The following GSE1 variants were observed in gnomAD, a reference collection of about 807,000 sequenced individuals.
GSE1 encodes genetic suppressor element 1.
In GSE1, 32 loss-of-function variants were observed where a neutral mutation model predicts 112.6. The observed-to-expected ratio is 0.28, with a 90% confidence interval of 0.21 to 0.38. The LOEUF (loss-of-function observed/expected upper bound fraction) is 0.38. GSE1 is among the 10% of genes least tolerant of loss of function. The pLI, the probability that GSE1 is intolerant of heterozygous loss-of-function variation, is 1.00. For missense variants in GSE1, 2,348 were observed against 1,699.2 expected (o/e 1.38, Z -6.71); for synonymous variants, 1,115 against 735.6 (o/e 1.52, Z -8.35).
At chr16:85,241,032 A>G (rs531950511) in intron 1 of GSE1, among the ~76,000 whole-genome samples, 16 of 152,198 alleles carry the variant, frequency 1.1e-4, no homozygotes, top group African/African-American at 3.1e-4. Context: ...GGCCGTTTCC[A>G]TCTTCCATGG....
intron 15 of GSE1, among the ~76,000 whole-genome samples, chr16:85,671,668 A>ATCGATCCTG (rs1349371460): frequency 6.6e-6 from 1 of 152,084 alleles, no homozygotes; most frequent in African/African-American, 2.4e-5. Context: ...CTTATAGAAT[A>ATCGATCCTG]TCGATCCTGG....
At chr16:85,283,302 A>C (rs1361882553) in intron 1 of GSE1, 1 of 152,866 alleles carries the variant, frequency 6.5e-6, no homozygotes, top group Non-Finnish European at 1.5e-5. Context: ...GCAGAGACTG[A>C]AAACGCCCCA....
rs1455571738 is a variant in GSE1 at position 85,674,461 on chromosome 16, C to A, written c.*1922C>A. ...AAGACACTGGGAGGTCAGCATGTTC[C>A]ACAGGTGTTCAGAGGGAGTCTGCTA... On this transcript the variant is annotated 3_prime_UTR_variant, in exon 16 of 16. Transcript: ENST00000253458. The A allele has an allele frequency of 6.6e-6, 1 of 152,176 alleles. No individual in the cohort carries two copies. The highest frequency in any genetic ancestry group is 1.5e-5 in the Non-Finnish European group (1 of 68,052). 9.4% of individuals were successfully genotyped at this position (152,176 alleles called of 1,614,324 possible).
intron 11 of GSE1, among the ~76,000 whole-genome samples, chr16:85,664,263 C>G (rs920978416): frequency 9.8e-5 from 15 of 152,352 alleles, no homozygotes; most frequent in Admixed American, 9.8e-4. Context: ...CCCTTACGCA[C>G]GCTTTCAAGT....
chr16:85,400,567 G>A (rs1291645135), intron 2 of GSE1, among the ~76,000 whole-genome samples: 6 of 151,122 alleles, frequency 4.0e-5, no homozygotes, highest in Non-Finnish European at 7.4e-5. Context: ...GTGTGGTTGT[G>A]TACCTGTGTG....
chr16:85,197,998 A>G (rs1182088495), intron 1 of GSE1, among the ~76,000 whole-genome samples: 1 of 152,152 alleles, frequency 6.6e-6, no homozygotes, highest in Admixed American at 6.5e-5. Context: ...CCAAGGAGTC[A>G]ACAACTCCTG....
At chr16:85,655,553 C>G (rs1334357395) in intron 5 of GSE1, among the ~76,000 whole-genome samples, 173 bp from the exon 6 acceptor site, 2 of 152,210 alleles carry the variant, frequency 1.3e-5, no homozygotes, top group Non-Finnish European at 2.9e-5. Context: ...CTAGCAGCCT[C>G]CGGCATCAAG....
At chr16:85,237,850 A>AG (rs1324449050) in intron 1 of GSE1, among the ~76,000 whole-genome samples, 1 of 151,192 alleles carries the variant, frequency 6.6e-6, no homozygotes, top group Non-Finnish European at 1.5e-5. Flanking sequence ...GCAAAAAAAA[A>AG]GAAAAAAAAA....
chr16:85,285,977 A>G (rs966995227), intron 1 of GSE1: 5 of 152,460 alleles, frequency 3.3e-5, no homozygotes, highest in African/African-American at 1.2e-4. Flanking sequence ...AGTGAGGCCC[A>G]CTATCTTGGG....
At position 85,665,983 on chromosome 16, in the gene GSE1, C is replaced by G. The variant is rs776399425; in HGVS notation, c.2766C>G (p.Ala922=). ...TCACTTTGTCTCTAAAAGAACCAGCCACGCAGCAAGCCTCTCTGGATGTGG... is the reference window on the plus strand; with the variant it reads ...TCACTTTGTCTCTAAAAGAACCAGCGACGCAGCAAGCCTCTCTGGATGTGG... ...DSPAVSLSEP[A]TQQASLDVEK... is the part of the protein sequence containing the mutation. The change falls in exon 13 of 16, where the codon GCC becomes GCG. Residue 922 remains alanine (A), a synonymous_variant. Coordinates refer to ENST00000253458, the MANE Select transcript of GSE1 (RefSeq NM_014615.5). The G allele has an allele frequency of 6.2e-7, 1 of 1,613,074 alleles. No homozygotes were observed. The highest frequency in any genetic ancestry group is 8.5e-7 in the Non-Finnish European group (1 of 1,179,864).
chr16:85,430,783 A>G (rs2049101406), intron 2 of GSE1, among the ~76,000 whole-genome samples: 1 of 152,204 alleles, frequency 6.6e-6, no homozygotes, highest in Non-Finnish European at 1.5e-5. Context: ...GCCCGCCTCC[A>G]TCAGGGCCTG....
chr16:85,369,616 G>C (rs1018598669), intron 2 of GSE1, among the ~76,000 whole-genome samples: 28 of 152,146 alleles, frequency 1.8e-4, no homozygotes, highest in Non-Finnish European at 3.8e-4. Context: ...GGACAGTCCA[G>C]GATACTCTCC....
chr16:85,185,679 G>A (rs1274752580), intron 1 of GSE1, among the ~76,000 whole-genome samples: 9 of 152,240 alleles, frequency 5.9e-5, no homozygotes, highest in African/African-American at 2.2e-4. Flanking sequence ...AACGTCCCCC[G>A]TGTCTGGCTC....
At chr16:85,328,407 G>T (rs1365624480) in intron 1 of GSE1, among the ~76,000 whole-genome samples, 2 of 152,208 alleles carry the variant, frequency 1.3e-5, no homozygotes, top group Non-Finnish European at 2.9e-5. Flanking sequence ...CCAGATAAAG[G>T]CACAGCGGGG....
chr16:85,504,473 C>T (rs80355882), intron 2 of GSE1, among the ~76,000 whole-genome samples: 2,225 of 152,304 alleles, frequency 0.015, 65 homozygotes, highest in East Asian at 0.1. Context: ...TTCTGACTCA[C>T]CAGCCACCTG....
At chr16:85,285,362 A>G (rs1037715368) in intron 1 of GSE1, 1 of 152,180 alleles carries the variant, frequency 6.6e-6, no homozygotes, top group Non-Finnish European at 1.5e-5. Flanking sequence ...CACCAGCAGC[A>G]GGGTTACCTC....
intron 1 of GSE1, among the ~76,000 whole-genome samples, chr16:85,243,138 G>A (rs937984540): frequency 3.3e-5 from 5 of 152,184 alleles, no homozygotes; most frequent in South Asian, 4.1e-4. Context: ...TGCAGCCCCC[G>A]AGGAGACACA....
intron 2 of GSE1, among the ~76,000 whole-genome samples, chr16:85,507,297 C>G (rs1413827163): frequency 1.3e-5 from 2 of 152,318 alleles, no homozygotes; most frequent in South Asian, 2.1e-4. Flanking sequence ...TACGTGGTAT[C>G]CGGTTTGGAA....
At chr16:85,525,256 C>CG (rs1164987370) in intron 2 of GSE1, among the ~76,000 whole-genome samples, 4 of 152,056 alleles carry the variant, frequency 2.6e-5, no homozygotes, top group South Asian at 2.1e-4. Flanking sequence ...CTTGTCCCCC[C>CG]CCCACTGATG....
Sources: gnomAD v4.1 joint callset for allele counts (sites outside exome capture counted in the v4.1 genomes callset) on GRCh38, gnomAD v4.1.1 for gene constraint, MANE v1.5 for transcripts, NCBI Gene and HGNC (gene_info 2026-07-23, HGNC 2026-07-21) for gene names.